SLC7A13: variants seen among roughly 807,000 people sequenced by gnomAD.
SLC7A13 encodes X-amino acid transporter 2.
In SLC7A13, 31 loss-of-function variants were observed where a neutral mutation model predicts 32.0. The ratio of observed to expected loss-of-function variants is 0.97; its 90% confidence interval spans 0.73 to 1.31. The LOEUF (loss-of-function observed/expected upper bound fraction) is 1.31, where lower values mean the gene tolerates loss of function less well. Ranked by LOEUF, SLC7A13 falls within the 50% of genes most tolerant of loss-of-function variation. The pLI, the probability that SLC7A13 is intolerant of heterozygous loss-of-function variation, is 0.00. For missense variants in SLC7A13, 633 were observed against 546.9 expected (o/e 1.16, Z -1.57); for synonymous variants, 232 against 206.9 (o/e 1.12, Z -1.04).
chr8:86,222,785 C>T (rs1037361489), intron 2 of SLC7A13, among the ~76,000 whole-genome samples, 187 bp downstream of exon 2: 18 of 152,136 alleles, frequency 1.2e-4, no homozygotes, highest in African/African-American at 4.3e-4. Context: ...AAGGCATAAC[C>T]ATGCTTAAAG....
Position 86,214,512 on chromosome 8 carries a change from A to G in SLC7A13, c.1314T>C (p.Pro438=). 1 of 1,612,426 alleles carries G rather than the reference A, an allele frequency of 6.2e-7. No individual in the cohort carries two copies. The highest frequency in any genetic ancestry group is 8.5e-7 in the Non-Finnish European group (1 of 1,178,902). The part of the protein sequence containing the change: ...LVLSGLLFYI[P]LIHFKIRLAW... ...CCAATCTTATTTTAAAATGTATTAAAGGTATGTAAAATAGTAATCCGCTGA... is the reference window on the plus strand; with the variant it reads ...CCAATCTTATTTTAAAATGTATTAAGGGTATGTAAAATAGTAATCCGCTGA... The change falls in exon 4 of 4, where the codon CCT becomes CCC. Residue 438 remains proline, a synonymous_variant. Transcript: ENST00000297524.
intron 1 of SLC7A13, among the ~76,000 whole-genome samples, chr8:86,226,356 A>G (rs1820388396): frequency 6.6e-6 from 1 of 152,126 alleles, no homozygotes; most frequent in Admixed American, 6.6e-5. Context: ...TCTTTTCTCA[A>G]TACCTTATTT....
chr8:86,230,365 T>C lies in SLC7A13; in HGVS notation c.-88A>G, dbSNP rs1820465298. The stretch of plus-strand genomic sequence containing the variant: ...GCTGCAAAGGATGTTGATGGATTCC[T>C]GAAATAAAATAATTCTGTCCTTCCT... On this transcript the variant is annotated 5_prime_UTR_variant, in exon 1 of 4. Transcript: ENST00000297524. The C allele has an allele frequency of 3.4e-6, 4 of 1,184,576 alleles. No homozygotes were observed. The East Asian group carries it at 1.0e-4, about 30-fold the overall frequency. The allele number at this position is 1,184,576 out of a possible 1,614,324, so 73.4% of individuals were successfully genotyped here.
At chr8:86,221,578 T>A (rs1820298033) in intron 2 of SLC7A13, among the ~76,000 whole-genome samples, 1 of 152,154 alleles carries the variant, frequency 6.6e-6, no homozygotes, top group Admixed American at 6.6e-5. Flanking sequence ...ACTCGTCATC[T>A]AGCATTAGGT....
intron 1 of SLC7A13, 95 bp from the exon 2 acceptor site, chr8:86,223,198 T>C (rs1174386779): frequency 4.0e-6 from 5 of 1,245,624 alleles, no homozygotes; most frequent in Non-Finnish European, 5.4e-6. Flanking sequence ...TATAAATTAA[T>C]GGGGTACAAG....
At position 86,217,777 on chromosome 8, in the gene SLC7A13, A is replaced by G. The variant is rs200327561; in HGVS notation, c.872T>C (p.Met291Thr). 2.5e-6 allele frequency: 4 copies of G among 1,611,982 alleles called. No individual in the cohort carries two copies. Among genetic ancestry groups the G allele is most frequent in the East Asian group, 4.5e-5 (2 of 44,850 alleles). The change falls in exon 3 of 4, where the codon ATG (methionine) becomes ACG (threonine). Residue 291 changes from methionine to threonine, a missense_variant. Physicochemically the swap from Met to Thr is moderately conservative, Grantham distance 81. Transcript: ENST00000297524. ...TAATGAGGTAGAAATAGCAAAAGGC[A>G]TAATCCATGCTAATGAGGGAAAAGC... ...DRAFPSLAWIMPFAISTSLFS... is the reference protein window; with the variant it reads ...DRAFPSLAWITPFAISTSLFS...
intron 1 of SLC7A13, among the ~76,000 whole-genome samples, chr8:86,223,413 G>C (rs1350998170): frequency 6.6e-6 from 1 of 152,030 alleles, no homozygotes; most frequent in Non-Finnish European, 1.5e-5. Flanking sequence ...GAGTGAGAAG[G>C]TATAATATTT....
intron 2 of SLC7A13, among the ~76,000 whole-genome samples, chr8:86,221,219 C>G (rs1194325857): frequency 6.6e-6 from 1 of 151,982 alleles, no homozygotes; most frequent in Non-Finnish European, 1.5e-5. Flanking sequence ...CCCTTTTCTT[C>G]AAGTATCCAT....
intron 1 of SLC7A13, among the ~76,000 whole-genome samples, chr8:86,225,017 A>G (rs184934933): frequency 2.0e-5 from 3 of 152,172 alleles, no homozygotes; most frequent in East Asian, 3.9e-4. Flanking sequence ...GTGAGTCACC[A>G]TGTCCAGTCT....
chr8:86,223,937 T>C (rs1820347092), intron 1 of SLC7A13, among the ~76,000 whole-genome samples: 1 of 152,054 alleles, frequency 6.6e-6, no homozygotes, highest in African/African-American at 2.4e-5. Context: ...GAATGAAAAA[T>C]GAAATCGGAG....
chr8:86,218,431 G>A (rs1443164647), intron 2 of SLC7A13, among the ~76,000 whole-genome samples: 1 of 152,106 alleles, frequency 6.6e-6, no homozygotes, highest in Non-Finnish European at 1.5e-5. Flanking sequence ...ATTCTCAATT[G>A]GAGTTAAATT....
intron 2 of SLC7A13, among the ~76,000 whole-genome samples, chr8:86,221,387 T>C (rs906545853): frequency 6.6e-6 from 1 of 152,202 alleles, no homozygotes; most frequent in African/African-American, 2.4e-5. Context: ...ACATTTTTCA[T>C]GTATGACTGA....
chr8:86,217,860 A>T (rs1820219079), intron 2 of SLC7A13, 29 bp from the exon 3 acceptor site: 1 of 1,504,644 alleles, frequency 6.6e-7, no homozygotes, highest in African/African-American at 1.4e-5. Flanking sequence ...ACACAAAAGA[A>T]AATGTGTTAA....
chr8:86,223,149 C>T (rs1431483994), intron 1 of SLC7A13, 46 bp from the exon 2 acceptor site: 2 of 1,497,080 alleles, frequency 1.3e-6, no homozygotes, highest in Non-Finnish European at 1.8e-6. Context: ...AACATTATTT[C>T]TAAAATTCAT....
Position 86,225,923 on chromosome 8 carries a change from AT to A in SLC7A13, c.686-2821del, listed in dbSNP as rs535768031. 1.4e-3 allele frequency among the ~76,000 whole-genome samples: 213 copies of A among 151,112 alleles called. 2 individuals are homozygous for A. Among genetic ancestry groups the A allele is most frequent in the African/African-American group, 4.4e-3 (179 of 41,148 alleles). On this transcript the variant is annotated intron_variant, in intron 1 of 3. Transcript: ENST00000297524. ...TCCAGCCTGGGTGATAAAAAATAGA[AT>A]TTTTTTTTTAAAAAGATGGGTATTC...
At chr8:86,220,730 C>T (rs1322216842) in intron 2 of SLC7A13, among the ~76,000 whole-genome samples, 1 of 151,874 alleles carries the variant, frequency 6.6e-6, no homozygotes, top group Non-Finnish European at 1.5e-5. Context: ...ATATTTGGGC[C>T]TAGTGGCTCA....
intron 1 of SLC7A13, among the ~76,000 whole-genome samples, chr8:86,224,112 A>G (rs995186914): frequency 5.3e-5 from 8 of 152,164 alleles, no homozygotes; most frequent in Non-Finnish European, 8.8e-5. Flanking sequence ...GCATAAATAA[A>G]AGGTTAAAAT....
Position 86,214,370 on chromosome 8 carries a change from T to G in SLC7A13, c.*43A>C. On this transcript the variant is annotated 3_prime_UTR_variant, in exon 4 of 4. Coordinates refer to ENST00000297524, the MANE Select transcript of SLC7A13 (RefSeq NM_138817.3). ...ACCTTGATTTGGAATCTGATATATGTTTTTTAGAAGGCCAATTTTTTAAGA... is the reference window on the plus strand; with the variant it reads ...ACCTTGATTTGGAATCTGATATATGGTTTTTAGAAGGCCAATTTTTTAAGA... The G allele has an allele frequency of 8.2e-7, 1 of 1,223,666 alleles. No homozygotes were observed. The highest frequency in any genetic ancestry group is 1.2e-6 in the Non-Finnish European group (1 of 862,458). 75.8% of individuals were successfully genotyped at this position (1,223,666 alleles called of 1,614,324 possible). A position where few individuals can be genotyped will look rare whatever the true frequency, so the allele number is the denominator to read the frequency against.
chr8:86,229,489 G>T, intron 1 of SLC7A13, 104 bp downstream of exon 1: 1 of 1,086,842 alleles, frequency 9.2e-7, no homozygotes, highest in Non-Finnish European at 1.3e-6. Flanking sequence ...AAAGAAGAAA[G>T]AAACATTAAA....
Sources: gnomAD v4.1 joint callset for allele counts (sites outside exome capture counted in the v4.1 genomes callset) on GRCh38, gnomAD v4.1.1 for gene constraint, MANE v1.5 for transcripts, NCBI Gene and HGNC (gene_info 2026-07-23, HGNC 2026-07-21) for gene names.